THSD7B: variants seen among roughly 807,000 people sequenced by gnomAD.
The protein encoded by THSD7B is thrombospondin type 1 domain containing 7B.
THSD7B carries 138 observed loss-of-function variants against 213.6 expected under a neutral mutation model. That is an observed-to-expected ratio of 0.65 (90% CI 0.56 to 0.74). The LOEUF (loss-of-function observed/expected upper bound fraction) is 0.74. THSD7B is among the 30% of genes least tolerant of loss of function. The probability of loss-of-function intolerance (pLI) is 0.00; values close to 1 mark genes in which losing one functional copy is unlikely to be tolerated. For synonymous variants in THSD7B, 742 were observed against 687.0 expected, an observed-to-expected ratio of 1.08 and a Z score of -1.25; for missense variants, 1,931 against 1,991.5, an observed-to-expected ratio of 0.97 and a Z score of 0.58.
chr2:137,463,957 A>G (rs1457875568), intron 15 of THSD7B, among the ~76,000 whole-genome samples: 1 of 152,086 alleles, frequency 6.6e-6, no homozygotes, highest in Non-Finnish European at 1.5e-5. Flanking sequence ...CTTATCAGAA[A>G]AGGATGTTTG....
chr2:136,857,618 C>T (rs1300351279), intron 1 of THSD7B, among the ~76,000 whole-genome samples: 1 of 134,320 alleles, frequency 7.4e-6, no homozygotes, highest in African/African-American at 2.6e-5. Context: ...CACATGCACA[C>T]ACACACAAAC....
intron 1 of THSD7B, among the ~76,000 whole-genome samples, chr2:136,855,305 A>G (rs1311300661): frequency 6.6e-6 from 1 of 152,138 alleles, no homozygotes; most frequent in Non-Finnish European, 1.5e-5. Flanking sequence ...TACCCTATTC[A>G]CACACCACCC....
At chr2:137,107,817 G>C (rs1196162202) in intron 4 of THSD7B, among the ~76,000 whole-genome samples, 1 of 152,152 alleles carries the variant, frequency 6.6e-6, no homozygotes, top group Non-Finnish European at 1.5e-5. Context: ...GTGGAGTTTG[G>C]CTGGCAAAGT....
At chr2:137,411,164 G>A (rs1686642861) in intron 13 of THSD7B, among the ~76,000 whole-genome samples, 1 of 152,216 alleles carries the variant, frequency 6.6e-6, no homozygotes, top group Admixed American at 6.5e-5. Flanking sequence ...ACCAAAATGA[G>A]TTTAACTTTG....
At chr2:137,668,659 C>T (rs1683498771) in intron 27 of THSD7B, among the ~76,000 whole-genome samples, 1 of 152,080 alleles carries the variant, frequency 6.6e-6, no homozygotes, top group African/African-American at 2.4e-5. Flanking sequence ...TTATGACTCC[C>T]CCAAAACCTG....
chr2:137,125,456 T>A (rs1053550567), intron 5 of THSD7B, among the ~76,000 whole-genome samples: 1 of 152,188 alleles, frequency 6.6e-6, no homozygotes, highest in Non-Finnish European at 1.5e-5. Flanking sequence ...CCATTCAAGT[T>A]CTATCATAAG....
At chr2:137,185,185 G>T (rs1680528120) in intron 7 of THSD7B, among the ~76,000 whole-genome samples, 1 of 150,146 alleles carries the variant, frequency 6.7e-6, no homozygotes, top group South Asian at 2.1e-4. Flanking sequence ...ACTTATTAAA[G>T]AAAAAAATTT....
chr2:137,643,929 A>G (rs556275819), intron 21 of THSD7B, among the ~76,000 whole-genome samples: 1 of 152,278 alleles, frequency 6.6e-6, no homozygotes, highest in East Asian at 1.9e-4. Context: ...AGGAATCTAT[A>G]TCTTTGATAG....
At chr2:137,296,423 A>G (rs1683464031) in intron 12 of THSD7B, among the ~76,000 whole-genome samples, 1 of 152,160 alleles carries the variant, frequency 6.6e-6, no homozygotes, top group Non-Finnish European at 1.5e-5. Flanking sequence ...CCTACATCTA[A>G]GGGGCTAACA....
chr2:137,327,908 G>A (rs1050196658), intron 12 of THSD7B, among the ~76,000 whole-genome samples: 6 of 152,126 alleles, frequency 3.9e-5, no homozygotes, highest in African/African-American at 1.2e-4. Context: ...TGAAAGGTAT[G>A]CTGACATTTC....
intron 4 of THSD7B, among the ~76,000 whole-genome samples, chr2:137,096,014 T>G (rs1161650065): frequency 6.6e-6 from 1 of 152,166 alleles, no homozygotes; most frequent in Non-Finnish European, 1.5e-5. Flanking sequence ...GCCTACATTT[T>G]AACATCTTGA....
chr2:136,990,476 C>T (rs560029847), intron 2 of THSD7B, among the ~76,000 whole-genome samples: 2 of 152,144 alleles, frequency 1.3e-5, no homozygotes, highest in East Asian at 3.9e-4. Context: ...ATGGACAGAA[C>T]TGTAGGGGGG....
At chr2:137,131,109 T>A (rs1373461752) in intron 5 of THSD7B, among the ~76,000 whole-genome samples, 1 of 136,816 alleles carries the variant, frequency 7.3e-6, no homozygotes, top group African/African-American at 2.6e-5. Flanking sequence ...TGGTTTTGAT[T>A]TGCATTTCTC....
chr2:136,914,746 T>C (rs1410192345), intron 2 of THSD7B, among the ~76,000 whole-genome samples: 1 of 152,228 alleles, frequency 6.6e-6, no homozygotes, highest in East Asian at 1.9e-4. Context: ...TGTGTAACTG[T>C]AAGTCCAATT....
chr2:137,051,138 G>T (rs930579875), intron 2 of THSD7B, among the ~76,000 whole-genome samples: 1 of 152,178 alleles, frequency 6.6e-6, no homozygotes, highest in Non-Finnish European at 1.5e-5. Context: ...AAAGCATTAA[G>T]ATTGTTAATA....
chr2:137,164,510 C>T lies in THSD7B; in HGVS notation c.1525+4142C>T, dbSNP rs1680082618. Among the ~76,000 whole-genome samples, 5 of 150,810 alleles carry T rather than the reference C, an allele frequency of 3.3e-5. No homozygotes were observed. The South Asian group carries it at 1.0e-3, about 31-fold the overall frequency. ...ATCTGGAGCTAGAAATACCATTTGA[C>T]CCAGCCATCCCATTACTGGGTATAT... On this transcript the variant is annotated intron_variant, in intron 6 of 27. Transcript: ENST00000409968.
chr2:137,328,054 T>C (rs919985490), intron 12 of THSD7B, among the ~76,000 whole-genome samples: 1 of 152,236 alleles, frequency 6.6e-6, no homozygotes, highest in Non-Finnish European at 1.5e-5. Flanking sequence ...TTATCAGATT[T>C]TTACAAGTAA....
intron 3 of THSD7B, among the ~76,000 whole-genome samples, chr2:137,088,219 GAC>G (rs1558915942): frequency 1.3e-5 from 2 of 151,524 alleles, no homozygotes; most frequent in Non-Finnish European, 2.9e-5. Flanking sequence ...CAGCCTGGGT[GAC>G]AGAGCAAGAC....
rs13004695 is a variant in THSD7B, at chr2:137,159,966, T to G, written c.1370-247T>G. ...TTCCAGTTCTCTCTTAGATTCCCAG[T>G]GAATACCCTGCAAAGCAGGAATTTC... On this transcript the variant is annotated intron_variant, in intron 5 of 27. Transcript: ENST00000409968. Among the ~76,000 whole-genome samples the G allele has an allele frequency of 0.046, 7,034 of 152,280 alleles. 202 individuals carry two copies. The highest frequency in any genetic ancestry group is 0.069 in the Admixed American group (1,055 of 15,276).
Sources: gnomAD v4.1 joint callset for allele counts (sites outside exome capture counted in the v4.1 genomes callset) on GRCh38, gnomAD v4.1.1 for gene constraint, MANE v1.5 for transcripts, NCBI Gene and HGNC (gene_info 2026-07-23, HGNC 2026-07-21) for gene names.